KCNT2: variants seen among roughly 807,000 people sequenced by gnomAD.
KCNT2 encodes potassium sodium-activated channel subfamily T member 2.
In KCNT2, 67 loss-of-function variants were observed where a neutral mutation model predicts 153.8. That is an observed-to-expected ratio of 0.44 (90% confidence interval 0.36 to 0.53). The LOEUF is 0.53. Among genes scored for constraint, KCNT2 ranks in the 20% least tolerant of loss-of-function variants. KCNT2 has a pLI of 0.00. For synonymous variants in KCNT2, 500 were observed against 458.8 expected, an observed-to-expected ratio of 1.09 and a Z score of -1.15; for missense variants, 975 against 1,354.8, an observed-to-expected ratio of 0.72 and a Z score of 4.40.
chr1:196,260,839 A>G (rs2147788728), intron 25 of KCNT2, among the ~76,000 whole-genome samples: 1 of 152,008 alleles, frequency 6.6e-6, no homozygotes, highest in Non-Finnish European at 1.5e-5. Flanking sequence ...GGATAATAAC[A>G]GCCATCTTCT....
At chr1:196,569,373 A>G (rs763057067) in intron 1 of KCNT2, among the ~76,000 whole-genome samples, 1 of 152,146 alleles carries the variant, frequency 6.6e-6, no homozygotes, top group Non-Finnish European at 1.5e-5. Flanking sequence ...GTCTGTTCCT[A>G]TTTTTAAAAA....
chr1:196,584,368 T>C (rs536383308), intron 1 of KCNT2, among the ~76,000 whole-genome samples: 48 of 152,102 alleles, frequency 3.2e-4, no homozygotes, highest in African/African-American at 1.1e-3. Flanking sequence ...TCCAAACCTG[T>C]GATATATGGG....
intron 25 of KCNT2, among the ~76,000 whole-genome samples, chr1:196,273,075 T>C (rs1413782100): frequency 1.3e-5 from 2 of 151,852 alleles, no homozygotes; most frequent in Admixed American, 6.6e-5. Context: ...AATTAGAGAA[T>C]GCACTAAGAA....
chr1:196,483,730 A>G (rs1679196717), intron 3 of KCNT2, among the ~76,000 whole-genome samples: 1 of 152,064 alleles, frequency 6.6e-6, no homozygotes, highest in South Asian at 2.1e-4. Context: ...CCTGCCACTC[A>G]TCTCAGTGGA....
At chr1:196,436,642 A>G (rs1342271262) in intron 8 of KCNT2, among the ~76,000 whole-genome samples, 1 of 151,380 alleles carries the variant, frequency 6.6e-6, no homozygotes. Context: ...TTATTAAATG[A>G]AAACTGTCTC....
At chr1:196,314,902 T>C (rs890135256) in intron 21 of KCNT2, among the ~76,000 whole-genome samples, 1 of 151,726 alleles carries the variant, frequency 6.6e-6, no homozygotes, top group African/African-American at 2.4e-5. Context: ...AAGTAAGGCA[T>C]TGCATGTTTC....
intron 21 of KCNT2, 129 bp from the exon 22 acceptor site, chr1:196,305,474 G>A: frequency 1.7e-6 from 1 of 578,620 alleles, no homozygotes; most frequent in Non-Finnish European, 3.1e-6. Flanking sequence ...AGCAGGCAGT[G>A]CCACATAAAA....
At chr1:196,420,665 C>A (rs2148513157) in intron 12 of KCNT2, among the ~76,000 whole-genome samples, 1 of 152,074 alleles carries the variant, frequency 6.6e-6, no homozygotes, top group Admixed American at 6.6e-5. Context: ...TGTGTTGAAC[C>A]ATTTCCCATG....
At chr1:196,337,861 T>A (rs1026726568) in intron 16 of KCNT2, among the ~76,000 whole-genome samples, 2 of 152,128 alleles carry the variant, frequency 1.3e-5, no homozygotes, top group African/African-American at 4.8e-5. Context: ...AATTTACTTA[T>A]TTTTTTATAT....
rs368541626 is a variant in KCNT2 at position 196,342,105 on chromosome 1, T to A, written c.1527A>T (p.Thr509=). The A allele has an allele frequency of 1.2e-6, 2 of 1,609,850 alleles. No individual in the cohort carries two copies. Among genetic ancestry groups the A allele is most frequent in the African/African-American group, 1.3e-5 (1 of 74,928 alleles). ...TTTTGTGTGCATGGAAAGAGGCATA[T>A]GTAAAACTCTTTCCTTCATATTCAG... The part of the protein sequence containing the change: ...FFAEYEGKSF[T]YASFHAHKKF... Residue 509 remains threonine, a synonymous_variant, in exon 15 of 28, where the codon ACA becomes ACT. Coordinates refer to ENST00000294725, the MANE Select transcript of KCNT2 (RefSeq NM_198503.5).
chr1:196,398,010 A>G (rs572133251), intron 13 of KCNT2, among the ~76,000 whole-genome samples: 65 of 151,612 alleles, frequency 4.3e-4, no homozygotes, highest in African/African-American at 1.5e-3. Context: ...AGCAATTCAA[A>G]GTATAATCTC....
chr1:196,381,435 AAAT>A (rs1170873749), intron 13 of KCNT2, among the ~76,000 whole-genome samples: 12 of 151,982 alleles, frequency 7.9e-5, no homozygotes, highest in Non-Finnish European at 1.6e-4. Flanking sequence ...TAATAATACT[AAAT>A]AATATTTCTG....
chr1:196,245,643 C>T (rs1655373705), intron 26 of KCNT2, among the ~76,000 whole-genome samples: 1 of 151,884 alleles, frequency 6.6e-6, no homozygotes, highest in South Asian at 2.1e-4. Flanking sequence ...ATTCAGAATC[C>T]TAACAAAAAA....
intron 1 of KCNT2, among the ~76,000 whole-genome samples, chr1:196,494,906 CAATGTGGAGAGCTCTCCAATACCTATA>C (rs1386551164): frequency 6.6e-6 from 1 of 151,606 alleles, no homozygotes; most frequent in Non-Finnish European, 1.5e-5. Context: ...AAATGGCCAT[CAATGTGGAGAGCTCTCCAATACCTATA>C]AATGTGCCAA....
intron 19 of KCNT2, among the ~76,000 whole-genome samples, chr1:196,320,027 T>A (rs927616110): frequency 2.0e-5 from 3 of 151,918 alleles, no homozygotes; most frequent in African/African-American, 7.2e-5. Flanking sequence ...AATCACAACA[T>A]GCCCTATATA....
At chr1:196,340,766 T>C (rs1665544943) in intron 15 of KCNT2, among the ~76,000 whole-genome samples, 196 bp from the exon 16 acceptor site, 1 of 151,984 alleles carries the variant, frequency 6.6e-6, no homozygotes. Flanking sequence ...CCACTATAAA[T>C]TTACATTTTA....
chr1:196,400,992 A>G (rs540715606), intron 12 of KCNT2, among the ~76,000 whole-genome samples: 1 of 151,954 alleles, frequency 6.6e-6, no homozygotes. Flanking sequence ...ACAACAAGCG[A>G]ATGGAGCCTG....
intron 1 of KCNT2, among the ~76,000 whole-genome samples, chr1:196,527,918 A>G (rs796525494): frequency 3.1e-4 from 47 of 152,260 alleles, no homozygotes; most frequent in African/African-American, 1.1e-3. Flanking sequence ...TTAATCCTAA[A>G]TTGTCAACTT....
chr1:196,494,263 G>A (rs189533980), intron 1 of KCNT2, among the ~76,000 whole-genome samples: 3 of 152,304 alleles, frequency 2.0e-5, no homozygotes, highest in Non-Finnish European at 4.4e-5. Context: ...ACAAATTTGA[G>A]AGGACAATAC....
Sources: allele counts gnomAD v4.1 joint callset (sites outside exome capture counted in the v4.1 genomes callset), GRCh38; gene constraint gnomAD v4.1.1; transcripts MANE v1.5; gene names NCBI Gene and HGNC (gene_info 2026-07-23, HGNC 2026-07-21).